BRMS1L: variants seen among roughly 807,000 people sequenced by gnomAD.
The protein encoded by BRMS1L is BRMS1 like transcriptional repressor, also known as breast cancer metastasis-suppressor 1-like protein.
Under a neutral mutation model 50.3 loss-of-function variants are expected in BRMS1L, and 23 were observed. The ratio of observed to expected loss-of-function variants is 0.46; its 90% confidence interval spans 0.33 to 0.65. The LOEUF is 0.65. Among genes scored for constraint, BRMS1L ranks in the 30% least tolerant of loss-of-function variants. The pLI, the probability that BRMS1L is intolerant of heterozygous loss-of-function variation, is 0.02. For synonymous variants in BRMS1L, 114 were observed against 126.9 expected (o/e 0.90, Z 0.69); for missense variants, 286 against 386.1 (o/e 0.74, Z 2.17).
intron 1 of BRMS1L, among the ~76,000 whole-genome samples, chr14:35,827,174 T>C (rs2077857992): frequency 6.6e-6 from 1 of 152,206 alleles, no homozygotes; most frequent in Admixed American, 6.5e-5. Context: ...TCCCTGAAGT[T>C]TGCAAGACTG....
At chr14:35,849,165 A>G (rs2078176652) in intron 4 of BRMS1L, among the ~76,000 whole-genome samples, 1 of 151,622 alleles carries the variant, frequency 6.6e-6, no homozygotes, top group Admixed American at 6.6e-5. Flanking sequence ...CTGTAGTTGT[A>G]TTTTTAAATT....
At chr14:35,850,277 G>A (rs551609508) in intron 4 of BRMS1L, among the ~76,000 whole-genome samples, 158 of 145,012 alleles carry the variant, frequency 1.1e-3, no homozygotes, top group African/African-American at 4.0e-3. Flanking sequence ...GTGTGATCTC[G>A]GCTCACCCCA....
chr14:35,839,904 A>G (rs1393873198), intron 4 of BRMS1L, among the ~76,000 whole-genome samples: 5 of 152,164 alleles, frequency 3.3e-5, no homozygotes, highest in Admixed American at 2.6e-4. Flanking sequence ...TTCCAATACT[A>G]TGTCGAATAC....
At chr14:35,841,733 T>C (rs1201160491) in intron 4 of BRMS1L, among the ~76,000 whole-genome samples, 2 of 152,210 alleles carry the variant, frequency 1.3e-5, no homozygotes, top group Non-Finnish European at 2.9e-5. Context: ...AATATCCTTG[T>C]TAATTTTCTG....
Position 35,826,470 on chromosome 14 carries a change from T to A in BRMS1L, c.-47T>A. On this transcript the variant is annotated 5_prime_UTR_variant, in exon 1 of 10. Transcript: ENST00000216807. Reference sequence around the variant, plus strand: ...CGCGCGCCCTTCATTGAAGCGGCGGTGGCCGGGCTGGGCGCCGGTAGTGGA... The same window carrying A: ...CGCGCGCCCTTCATTGAAGCGGCGGAGGCCGGGCTGGGCGCCGGTAGTGGA... 1 of 1,551,900 alleles carries A rather than the reference T, an allele frequency of 6.4e-7. No individual in the cohort carries two copies. Among genetic ancestry groups the A allele is most frequent in the Non-Finnish European group, 8.7e-7 (1 of 1,148,332 alleles).
At chr14:35,829,234 A>T (rs766225520) in intron 1 of BRMS1L, among the ~76,000 whole-genome samples, 22 of 152,144 alleles carry the variant, frequency 1.4e-4, no homozygotes, top group South Asian at 6.2e-4. Flanking sequence ...GAGCCACTGC[A>T]CCTGGCCTGT....
At chr14:35,851,797 C>T (rs546354192) in intron 4 of BRMS1L, among the ~76,000 whole-genome samples, 34 of 152,296 alleles carry the variant, frequency 2.2e-4, no homozygotes, top group African/African-American at 8.2e-4. Context: ...AACCCCTCTT[C>T]CAGGCATACA....
At chr14:35,829,819 A>G (rs751784993) in intron 1 of BRMS1L, 5 of 1,256,528 alleles carry the variant, frequency 4.0e-6, no homozygotes, top group Non-Finnish European at 5.1e-6. Flanking sequence ...GATGAAGATC[A>G]AGATGCAGAT....
chr14:35,834,840 G>T lies in BRMS1L; in HGVS notation c.362-4G>T. ...ATAATCAGAGTAATTGTGTTTGGTTGCAGGAATCTATAGAGAGCTCTGCTT... is the reference window on the plus strand; with the variant it reads ...ATAATCAGAGTAATTGTGTTTGGTTTCAGGAATCTATAGAGAGCTCTGCTT... On this transcript the variant is annotated splice_polypyrimidine_tract_variant and splice_region_variant and intron_variant, in intron 3 of 9. Transcript: ENST00000216807. 1 of 1,543,238 alleles carries T rather than the reference G, an allele frequency of 6.5e-7. No individual in the cohort carries two copies. The highest frequency in any genetic ancestry group is 8.7e-7 in the Non-Finnish European group (1 of 1,145,640).
At chr14:35,838,480 A>T (rs1056787814) in intron 4 of BRMS1L, among the ~76,000 whole-genome samples, 2 of 151,492 alleles carry the variant, frequency 1.3e-5, no homozygotes, top group Non-Finnish European at 2.9e-5. Context: ...ACTAATTTAT[A>T]CTCCCACCAA....
chr14:35,842,609 A>AT (rs2078081067), intron 4 of BRMS1L, among the ~76,000 whole-genome samples: 1 of 151,616 alleles, frequency 6.6e-6, no homozygotes. Flanking sequence ...TGCCCTTAAC[A>AT]TTTTTTCCTT....
At chr14:35,856,261 A>G (rs967885454) in intron 4 of BRMS1L, among the ~76,000 whole-genome samples, 4 of 152,182 alleles carry the variant, frequency 2.6e-5, no homozygotes, top group Admixed American at 2.6e-4. Flanking sequence ...AAGGAAGGAA[A>G]TCACATGTAT....
Position 35,865,718 on chromosome 14 carries a change from T to G in BRMS1L, c.688-4T>G. 6.3e-7 allele frequency: 1 copy of G among 1,576,502 alleles called. No homozygotes were observed. Among genetic ancestry groups the G allele is most frequent in the Non-Finnish European group, 8.5e-7 (1 of 1,169,682 alleles). ...CTTCCTCTTTTTTTTTTTTTTTAATTAAGGCAATGGCTACATTGGGGCCAC... is the reference window on the plus strand; with the variant it reads ...CTTCCTCTTTTTTTTTTTTTTTAATGAAGGCAATGGCTACATTGGGGCCAC... On this transcript the variant is annotated splice_region_variant and splice_polypyrimidine_tract_variant and intron_variant, in intron 7 of 9. Coordinates refer to ENST00000216807, the MANE Select transcript of BRMS1L (RefSeq NM_032352.4).
intron 9 of BRMS1L, among the ~76,000 whole-genome samples, chr14:35,868,859 A>G (rs2078453628): frequency 6.6e-6 from 1 of 152,198 alleles, no homozygotes; most frequent in African/African-American, 2.4e-5. Context: ...TAATATGTCT[A>G]GGCTTAAATA....
At chr14:35,830,016 AC>A in intron 1 of BRMS1L, 1 of 189,326 alleles carries the variant, frequency 5.3e-6, no homozygotes, top group Non-Finnish European at 1.0e-5. Flanking sequence ...GGAATGGCAG[AC>A]CAGGAGAGCC....
intron 4 of BRMS1L, among the ~76,000 whole-genome samples, chr14:35,835,377 CTGTT>C (rs1240469712): frequency 6.6e-6 from 1 of 150,460 alleles, no homozygotes; most frequent in Non-Finnish European, 1.5e-5. Flanking sequence ...TCTGTATATT[CTGTT>C]TATTTTGCAT....
chr14:35,852,758 C>T (rs886871535), intron 4 of BRMS1L, among the ~76,000 whole-genome samples: 9 of 151,900 alleles, frequency 5.9e-5, no homozygotes, highest in Admixed American at 3.3e-4. Context: ...GGTGAAACCC[C>T]GTCTCTGCTA....
chr14:35,870,415 A>G lies in BRMS1L; in HGVS notation c.910A>G (p.Ser304Gly), dbSNP rs762296151. 2 of 1,610,626 alleles carry G rather than the reference A, an allele frequency of 1.2e-6. No homozygotes were observed. Among genetic ancestry groups the G allele is most frequent in the Non-Finnish European group, 1.7e-6 (2 of 1,178,394 alleles). The change falls in exon 10 of 10, where the codon AGC becomes GGC. Residue 304 changes from serine to glycine, a missense_variant. Ser to Gly is a moderately conservative substitution (Grantham distance 56). Transcript: ENST00000216807. The stretch of plus-strand genomic sequence containing the variant: ...AGTTTGGTTTAAGAGGCCTGATGGA[A>G]GCAAATCTAAGCTTTACATTTCACA... ...DEVWFKRPDGSKSKLYISQLQ... is the reference protein window; with the variant it reads ...DEVWFKRPDGGKSKLYISQLQ...
chr14:35,845,728 G>A (rs2078124870), intron 4 of BRMS1L, among the ~76,000 whole-genome samples: 1 of 152,076 alleles, frequency 6.6e-6, no homozygotes. Context: ...TCTTGTCTTT[G>A]TGATATACAC....
Sources: gnomAD v4.1 joint callset for allele counts (sites outside exome capture counted in the v4.1 genomes callset) on GRCh38, gnomAD v4.1.1 for gene constraint, MANE v1.5 for transcripts, NCBI Gene and HGNC (gene_info 2026-07-23, HGNC 2026-07-21) for gene names.